The following ELOVL2 variants were observed in gnomAD, a reference collection of about 807,000 sequenced individuals.
The protein encoded by ELOVL2 is very long chain fatty acid elongase 2.
In ELOVL2, 38 loss-of-function variants were observed where a neutral mutation model predicts 37.7. The observed-to-expected ratio is 1.01, with a 90% CI of 0.78 to 1.32. ELOVL2 has a LOEUF of 1.32. Among genes scored for constraint, ELOVL2 ranks in the 40% most tolerant of loss-of-function variants. The pLI, the probability that ELOVL2 is intolerant of heterozygous loss-of-function variation, is 0.00. For missense variants in ELOVL2, 352 were observed against 363.6 expected (o/e 0.97, Z 0.26); for synonymous variants, 115 against 122.3 (o/e 0.94, Z 0.40).
At chr6:10,995,417 C>T (rs1782248083) in intron 4 of ELOVL2, among the ~76,000 whole-genome samples, 1 of 7,648 alleles carries the variant, frequency 1.3e-4, no homozygotes, top group Non-Finnish European at 2.3e-4. Flanking sequence ...TCCTCCTCTG[C>T]ATCCGCAGAA....
chr6:10,991,731 CAG>C (rs965166267), intron 5 of ELOVL2, among the ~76,000 whole-genome samples: 31 of 152,238 alleles, frequency 2.0e-4, no homozygotes, highest in African/African-American at 6.5e-4. Flanking sequence ...AAAACACAAA[CAG>C]AGTTTCAGAC....
chr6:11,044,105 G>A lies in ELOVL2; in HGVS notation c.3+123C>T, dbSNP rs113833123. The A allele has an allele frequency of 0.014, 17,325 of 1,239,192 alleles. 140 individuals carry two copies. Among genetic ancestry groups the A allele is most frequent in the Non-Finnish European group, 0.016 (15,352 of 959,722 alleles). The allele number at this position is 1,239,192 out of a possible 1,614,324, so 76.8% of individuals were successfully genotyped here. ...GGACCCGGCCCCTCCGAGGGTAGCG[G>A]GTTCCAGCGGCGAACCCGCAGCGCC... On this transcript the variant is annotated intron_variant, in intron 1 of 7. Transcript: ENST00000354666. The surrounding 1 kb of genome is among the most constrained non-coding windows in gnomAD (Gnocchi z 5.6).
intron 5 of ELOVL2, 78 bp from the exon 6 acceptor site, chr6:10,990,520 T>C (rs1782136965): frequency 7.3e-7 from 1 of 1,370,310 alleles, no homozygotes; most frequent in Non-Finnish European, 9.8e-7. Flanking sequence ...AGATTCTCTC[T>C]CTGCATGGTA....
intron 1 of ELOVL2, among the ~76,000 whole-genome samples, chr6:11,029,412 G>C (rs1205253712): frequency 6.6e-6 from 1 of 152,120 alleles, no homozygotes; most frequent in Non-Finnish European, 1.5e-5. Flanking sequence ...ACTTCGCAGT[G>C]TGGTTGTGAA....
At chr6:10,997,222 T>TG (rs1561715996) in intron 4 of ELOVL2, among the ~76,000 whole-genome samples, 1 of 152,286 alleles carries the variant, frequency 6.6e-6, no homozygotes, top group East Asian at 1.9e-4. Flanking sequence ...CCCACCATTT[T>TG]GGGGGGCAGG....
intron 1 of ELOVL2, among the ~76,000 whole-genome samples, chr6:11,038,968 A>C (rs1339141734): frequency 6.6e-6 from 1 of 152,172 alleles, no homozygotes; most frequent in Admixed American, 6.5e-5. Flanking sequence ...GGTGTGGTAC[A>C]TATCCAACTG....
intron 7 of ELOVL2, among the ~76,000 whole-genome samples, chr6:10,986,513 G>A (rs1169795265): frequency 2.0e-5 from 3 of 152,140 alleles, no homozygotes; most frequent in Non-Finnish European, 4.4e-5. Flanking sequence ...ATTATTTTGA[G>A]ATACGTCCCA....
intron 1 of ELOVL2, among the ~76,000 whole-genome samples, chr6:11,038,003 T>G (rs1783041058): frequency 6.6e-6 from 1 of 152,202 alleles, no homozygotes; most frequent in African/African-American, 2.4e-5. Flanking sequence ...AAAGTACTAC[T>G]GCCTTTCTCA....
At chr6:11,025,740 T>TA (rs1328153583) in intron 1 of ELOVL2, among the ~76,000 whole-genome samples, 1 of 152,242 alleles carries the variant, frequency 6.6e-6, no homozygotes, top group Non-Finnish European at 1.5e-5. Flanking sequence ...TTGATTTCTA[T>TA]AAAATAAAAC....
chr6:10,984,920 C>T (rs1174612444), intron 7 of ELOVL2, among the ~76,000 whole-genome samples: 1 of 152,088 alleles, frequency 6.6e-6, no homozygotes, highest in African/African-American at 2.4e-5. Context: ...GTTCTAGATC[C>T]CTGAGGAATC....
chr6:11,025,160 C>T (rs1782821435), intron 1 of ELOVL2, among the ~76,000 whole-genome samples: 1 of 152,120 alleles, frequency 6.6e-6, no homozygotes, highest in South Asian at 2.1e-4. Context: ...ATCATATTTC[C>T]TCAGTTTTCT....
In ELOVL2 at chr6:11,044,128, G is replaced by A; in HGVS notation, c.3+100C>T. On this transcript the variant is annotated intron_variant, in intron 1 of 7. Transcript: ENST00000354666. The surrounding 1 kb of genome is among the most constrained non-coding windows in gnomAD (Gnocchi z 5.6). ...CGGGTTCCAGCGGCGAACCCGCAGC[G>A]CCCGCGCCGGCGCCCGCTCGGCCCT... 1.5e-6 allele frequency: 2 copies of A among 1,332,500 alleles called. No individual in the cohort carries two copies. The highest frequency in any genetic ancestry group is 9.7e-7 in the Non-Finnish European group (1 of 1,029,532). The allele number at this position is 1,332,500 out of a possible 1,614,324, so 82.5% of individuals were successfully genotyped here. A position where few individuals can be genotyped will look rare whatever the true frequency, so the allele number is the denominator to read the frequency against.
chr6:11,028,108 C>T (rs1782865670), intron 1 of ELOVL2, among the ~76,000 whole-genome samples: 1 of 152,308 alleles, frequency 6.6e-6, no homozygotes, highest in Admixed American at 6.5e-5. Flanking sequence ...AAAAAACCTA[C>T]ACACATGGGT....
At chr6:11,000,540 T>C (rs976448214) in intron 3 of ELOVL2, among the ~76,000 whole-genome samples, 4 of 152,258 alleles carry the variant, frequency 2.6e-5, no homozygotes, top group African/African-American at 9.6e-5. Flanking sequence ...TAATATTTTG[T>C]ATTGGTTTAA....
At position 11,015,283 on chromosome 6, in the gene ELOVL2, CCAG is replaced by C. The variant is rs1782662632; in HGVS notation, c.4-4477_4-4475del. On this transcript the variant is annotated intron_variant, in intron 1 of 7. Transcript: ENST00000354666. ...TATGCCCAAGTGAGAGAATCTGTAA[CCAG>C]CAGAACTGCACTACATAGTATGCTA... is the stretch of plus-strand genomic sequence containing the variant. Among the ~76,000 whole-genome samples the C allele has an allele frequency of 3.3e-5, 5 of 152,226 alleles. 1 individual carries two copies. The South Asian group carries it at 1.0e-3, about 32-fold the overall frequency.
At chr6:10,998,310 AG>A (rs1264710802) in intron 4 of ELOVL2, among the ~76,000 whole-genome samples, 1 of 152,162 alleles carries the variant, frequency 6.6e-6, no homozygotes, top group African/African-American at 2.4e-5. Flanking sequence ...TTTCACTAGG[AG>A]TTGCAAAATG....
intron 1 of ELOVL2, among the ~76,000 whole-genome samples, chr6:11,041,832 CAAAAGG>C (rs1440756655): frequency 1.3e-5 from 2 of 151,836 alleles, no homozygotes; most frequent in East Asian, 3.9e-4. Flanking sequence ...TATAGAAAAA[CAAAAGG>C]AAATTTGAAA....
chr6:11,010,843 T>C, intron 1 of ELOVL2, 34 bp from the exon 2 acceptor site: 1 of 1,536,538 alleles, frequency 6.5e-7, no homozygotes, highest in Non-Finnish European at 8.9e-7. Context: ...TTTAAGTGTT[T>C]TTTTCTTCTT....
rs1224320777 is a variant in ELOVL2 at position 10,982,859 on chromosome 6, T to C, written c.*922A>G. On this transcript the variant is annotated 3_prime_UTR_variant, in exon 8 of 8. Coordinates refer to ENST00000354666, the MANE Select transcript of ELOVL2 (RefSeq NM_017770.4). ...GAATTCAGTGCCTATTTTGCTCCCA[T>C]CACTCTGCTACTTCTGCTAGTTCTG... 1 of 152,256 alleles carries C rather than the reference T, an allele frequency of 6.6e-6. No individual in the cohort carries two copies. The highest frequency in any genetic ancestry group is 1.5e-5 in the Non-Finnish European group (1 of 68,044). The allele number at this position is 152,256 out of a possible 1,614,324, so 9.4% of individuals were successfully genotyped here. A position where few individuals can be genotyped will look rare whatever the true frequency, so the allele number is the denominator to read the frequency against.
Sources: allele counts gnomAD v4.1 joint callset (sites outside exome capture counted in the v4.1 genomes callset), GRCh38; gene constraint gnomAD v4.1.1; non-coding constraint Gnocchi (gnomAD v3.1); transcripts MANE v1.5; gene names NCBI Gene and HGNC (gene_info 2026-07-23, HGNC 2026-07-21).